Variants in ZNF679 observed in about 807,000 individuals in gnomAD.
ZNF679 encodes the protein zinc finger protein 679.
A neutral mutation model predicts 13.4 loss-of-function variants in ZNF679; 10 were observed. That is an observed-to-expected ratio of 0.75 (90% CI 0.46 to 1.27). ZNF679 has a LOEUF of 1.27. ZNF679 is among the 50% of genes most tolerant of loss of function. The probability of loss-of-function intolerance (pLI) is 0.00; values close to 1 mark genes in which losing one functional copy is unlikely to be tolerated. For missense variants in ZNF679, 525 were observed against 477.8 expected (o/e 1.10, Z -0.92); for synonymous variants, 179 against 162.5 (o/e 1.10, Z -0.77).
chr7:64,262,493 A>G (rs948385669), intron 4 of ZNF679, among the ~76,000 whole-genome samples: 29 of 152,260 alleles, frequency 1.9e-4, no homozygotes, highest in African/African-American at 6.5e-4. Flanking sequence ...TATTTTTTGT[A>G]TATGATGCAA....
At chr7:64,265,370 C>A (rs1463648260) in intron 4 of ZNF679, among the ~76,000 whole-genome samples, 1 of 152,082 alleles carries the variant, frequency 6.6e-6, no homozygotes, top group Non-Finnish European at 1.5e-5. Flanking sequence ...AGCTACTTTC[C>A]ACACCTATTT....
chr7:64,258,368 G>C (rs925050776), intron 2 of ZNF679, among the ~76,000 whole-genome samples: 6 of 151,874 alleles, frequency 4.0e-5, no homozygotes, highest in Non-Finnish European at 7.4e-5. Flanking sequence ...AGGAGGAAAA[G>C]AAAAAAATCA....
chr7:64,248,151 C>T (rs1787892964), intron 1 of ZNF679, among the ~76,000 whole-genome samples: 2 of 152,030 alleles, frequency 1.3e-5, no homozygotes, highest in African/African-American at 4.8e-5. Flanking sequence ...AAAAGAGAAC[C>T]GGGGATGGGG....
intron 4 of ZNF679, 121 bp downstream of exon 4, chr7:64,261,050 C>A: frequency 1.9e-6 from 2 of 1,036,920 alleles, no homozygotes; most frequent in Non-Finnish European, 2.7e-6. Context: ...CTAAGAAGCC[C>A]GAGTCATTTT....
chr7:64,249,666 C>G (rs549744282), intron 2 of ZNF679, among the ~76,000 whole-genome samples: 4 of 152,262 alleles, frequency 2.6e-5, no homozygotes, highest in Non-Finnish European at 5.9e-5. Context: ...TTGAAGAAGT[C>G]TGTTATAAGT....
intron 1 of ZNF679, among the ~76,000 whole-genome samples, chr7:64,243,418 T>C (rs1490958289): frequency 6.6e-6 from 1 of 152,120 alleles, no homozygotes; most frequent in African/African-American, 2.4e-5. Flanking sequence ...AAAAGCAATA[T>C]GTCACAATCC....
At position 64,266,730 on chromosome 7, in the gene ZNF679, C is replaced by A. The variant is rs1279549660; in HGVS notation, c.1097C>A (p.Thr366Asn). 1 of 1,611,842 alleles carries A rather than the reference C, an allele frequency of 6.2e-7. No homozygotes were observed. The highest frequency in any genetic ancestry group is 1.3e-5 in the African/African-American group (1 of 74,922). Reference sequence around the variant, plus strand: ...GGGAAAGCCTTTGCCTTCTCCTCAACTCTTAATACTCATAAGAGGATTCAT... The same window carrying A: ...GGGAAAGCCTTTGCCTTCTCCTCAAATCTTAATACTCATAAGAGGATTCAT... ...ECGKAFAFSSTLNTHKRIHTG... is the reference protein window; with the variant it reads ...ECGKAFAFSSNLNTHKRIHTG... Residue 366 changes from threonine (T) to asparagine (N), a missense_variant, in exon 5 of 5, where the codon ACT becomes AAT. Coordinates refer to ENST00000421025, the MANE Select transcript of ZNF679 (RefSeq NM_153363.3).
intron 4 of ZNF679, among the ~76,000 whole-genome samples, chr7:64,263,971 T>C (rs1788110821): frequency 6.6e-6 from 1 of 152,272 alleles, no homozygotes; most frequent in Non-Finnish European, 1.5e-5. Context: ...GGTCTTAATG[T>C]TTATAATTTT....
chr7:64,245,778 G>T (rs1787860958), intron 1 of ZNF679, among the ~76,000 whole-genome samples: 1 of 152,162 alleles, frequency 6.6e-6, no homozygotes, highest in Non-Finnish European at 1.5e-5. Flanking sequence ...AGGCCGAGGT[G>T]GTGGATCAGC....
chr7:64,261,065 T>G, intron 4 of ZNF679, 136 bp downstream of exon 4: 2 of 902,156 alleles, frequency 2.2e-6, no homozygotes, highest in Middle Eastern at 2.2e-4. Context: ...CATTTTTTTT[T>G]CTTTTGCTCT....
rs1273465370 is a variant in ZNF679 at position 64,241,668 on chromosome 7, C to A, written c.-90-7360C>A. On this transcript the variant is annotated intron_variant, in intron 1 of 4. Coordinates refer to ENST00000421025, the MANE Select transcript of ZNF679 (RefSeq NM_153363.3). Reference sequence around the variant, plus strand: ...AAGAACCCAGGATAAAGAGTTATATCATTTGGGTTAAAGGTCCAGTGATAG... The same window carrying A: ...AAGAACCCAGGATAAAGAGTTATATAATTTGGGTTAAAGGTCCAGTGATAG... Among the ~76,000 whole-genome samples, 3 of 152,194 alleles carry A rather than the reference C, an allele frequency of 2.0e-5. No individual in the cohort carries two copies. The East Asian group carries it at 5.8e-4, about 29-fold the overall frequency.
At chr7:64,248,473 G>T (rs1250213358) in intron 1 of ZNF679, among the ~76,000 whole-genome samples, 1 of 151,944 alleles carries the variant, frequency 6.6e-6, no homozygotes, top group Non-Finnish European at 1.5e-5. Context: ...GTACAGACAG[G>T]GTTTCACCGT....
intron 2 of ZNF679, among the ~76,000 whole-genome samples, chr7:64,258,499 G>C (rs1788034060): frequency 6.6e-6 from 1 of 151,486 alleles, no homozygotes; most frequent in African/African-American, 2.4e-5. Flanking sequence ...TCAGGAGTTC[G>C]AGACCAGCCT....
At chr7:64,260,779 TG>T in intron 3 of ZNF679, 54 bp from the exon 4 acceptor site, 1 of 1,530,996 alleles carries the variant, frequency 6.5e-7, no homozygotes, top group East Asian at 2.3e-5. Flanking sequence ...AATACTCGTT[TG>T]GTAATTAAAG....
chr7:64,229,425 T>C (rs1481825192), intron 1 of ZNF679, among the ~76,000 whole-genome samples: 1 of 152,146 alleles, frequency 6.6e-6, no homozygotes, highest in African/African-American at 2.4e-5. Flanking sequence ...AAGAAATGAC[T>C]TCCCCTTTGA....
intron 1 of ZNF679, among the ~76,000 whole-genome samples, chr7:64,248,713 A>G (rs1787901062): frequency 6.6e-6 from 1 of 152,202 alleles, no homozygotes; most frequent in Admixed American, 6.5e-5. Flanking sequence ...TCAGTTTATG[A>G]ATAACTATAT....
At chr7:64,264,328 T>C (rs1168472518) in intron 4 of ZNF679, among the ~76,000 whole-genome samples, 3 of 152,138 alleles carry the variant, frequency 2.0e-5, no homozygotes, top group African/African-American at 7.2e-5. Context: ...TTGATGTTGA[T>C]AATTATATCT....
intron 1 of ZNF679, among the ~76,000 whole-genome samples, chr7:64,240,203 A>G (rs1787779048): frequency 6.6e-6 from 1 of 152,126 alleles, no homozygotes; most frequent in Non-Finnish European, 1.5e-5. Flanking sequence ...GGCCAATCAT[A>G]AAAGTGATGT....
intron 1 of ZNF679, among the ~76,000 whole-genome samples, 161 bp from the exon 2 acceptor site, chr7:64,248,867 G>C (rs1368812905): frequency 6.6e-6 from 1 of 152,134 alleles, no homozygotes; most frequent in Non-Finnish European, 1.5e-5. Context: ...GTTTAGCCCA[G>C]TGTCTGATCA....
Sources: allele counts gnomAD v4.1 joint callset (sites outside exome capture counted in the v4.1 genomes callset), GRCh38; gene constraint gnomAD v4.1.1; transcripts MANE v1.5; gene names NCBI Gene and HGNC (gene_info 2026-07-23, HGNC 2026-07-21).